The following IGF1R variants were observed in gnomAD, a reference collection of about 807,000 sequenced individuals.
The protein encoded by IGF1R is insulin-like growth factor 1 receptor.
In IGF1R, 44 loss-of-function variants were observed where a neutral mutation model predicts 144.6. That is an observed-to-expected ratio of 0.30 (90% CI 0.24 to 0.39). The LOEUF is 0.39. Among genes scored for constraint, IGF1R ranks in the 10% least tolerant of loss-of-function variants. The pLI, the probability that IGF1R is intolerant of heterozygous loss-of-function variation, is 1.00. For synonymous variants in IGF1R, 795 were observed against 722.8 expected, an observed-to-expected ratio of 1.10 and a Z score of -1.60; for missense variants, 1,355 against 1,833.7, an observed-to-expected ratio of 0.74 and a Z score of 4.77.
intron 2 of IGF1R, among the ~76,000 whole-genome samples, chr15:98,717,734 T>C (rs1476927830): frequency 1.3e-5 from 2 of 152,238 alleles, no homozygotes; most frequent in Non-Finnish European, 2.9e-5. Context: ...TCTTGTATGA[T>C]ACTGACATTA....
At chr15:98,757,159 C>T (rs896983323) in intron 2 of IGF1R, among the ~76,000 whole-genome samples, 4 of 151,990 alleles carry the variant, frequency 2.6e-5, no homozygotes, top group African/African-American at 7.3e-5. Context: ...TAATGATGCA[C>T]CTTTTATAAT....
chr15:98,650,451 C>T (rs558673904), intron 1 of IGF1R, among the ~76,000 whole-genome samples: 7 of 152,344 alleles, frequency 4.6e-5, no homozygotes, highest in South Asian at 2.1e-4. Context: ...TTGTCTCTTC[C>T]GGGGAGCGCC....
chr15:98,908,264 G>T (rs28417243), intron 5 of IGF1R, among the ~76,000 whole-genome samples: 1 of 152,200 alleles, frequency 6.6e-6, no homozygotes, highest in Non-Finnish European at 1.5e-5. Context: ...TACTTCCATG[G>T]ATAATGGGAG....
chr15:98,909,409 C>A lies in IGF1R; in HGVS notation c.1462+510C>A, dbSNP rs185844963. Among the ~76,000 whole-genome samples the A allele has an allele frequency of 1.6e-3, 243 of 152,014 alleles. 1 individual carries two copies. The highest frequency in any genetic ancestry group is 5.7e-3 in the African/African-American group (236 of 41,472). On this transcript the variant is annotated intron_variant, in intron 6 of 20. Coordinates refer to ENST00000650285, the MANE Select transcript of IGF1R (RefSeq NM_000875.5). ...GAGCAGCTGAGATTACAGACACCTGCCACCATGCCCAGCTAATTTTTGGAT... is the reference window on the plus strand; with the variant it reads ...GAGCAGCTGAGATTACAGACACCTGACACCATGCCCAGCTAATTTTTGGAT...
intron 2 of IGF1R, among the ~76,000 whole-genome samples, chr15:98,738,329 C>T (rs73475618): frequency 0.039 from 5,905 of 152,252 alleles, 374 homozygotes; most frequent in African/African-American, 0.13. Flanking sequence ...AGGCACACAC[C>T]ACCTTGCCTA....
intron 2 of IGF1R, among the ~76,000 whole-genome samples, chr15:98,789,564 T>C (rs1029904501): frequency 1.3e-5 from 2 of 152,206 alleles, no homozygotes; most frequent in African/African-American, 4.8e-5. Context: ...ATGTTATACC[T>C]TACAAAGAAG....
At chr15:98,708,496 G>A (rs2053919875) in intron 2 of IGF1R, among the ~76,000 whole-genome samples, 1 of 152,224 alleles carries the variant, frequency 6.6e-6, no homozygotes, top group African/African-American at 2.4e-5. Flanking sequence ...GGCTGCTTAT[G>A]TGTCAGCTCT....
chr15:98,778,781 G>A (rs2055782565), intron 2 of IGF1R, among the ~76,000 whole-genome samples: 1 of 152,216 alleles, frequency 6.6e-6, no homozygotes. Context: ...CTTGAAGTGA[G>A]AGTGGGTGGA....
rs773119873 is a variant in IGF1R, at chr15:98,957,184, CGAG to C, written c.3850_3852del (p.Glu1284del). ...TCCGGGAGGTCTCCTTCTACTACAG[CGAG>C]GAGAACAAGCTGCCCGAGCCGGAGG... On this transcript the variant is annotated inframe_deletion, in exon 21 of 21. Transcript: ENST00000650285. 23 of 1,614,226 alleles carry C rather than the reference CGAG, an allele frequency of 1.4e-5. No homozygotes were observed. Among genetic ancestry groups the C allele is most frequent in the Middle Eastern group, 1.6e-4 (1 of 6,062 alleles).
At chr15:98,811,556 A>C (rs991433598) in intron 2 of IGF1R, among the ~76,000 whole-genome samples, 3 of 150,782 alleles carry the variant, frequency 2.0e-5, no homozygotes, top group African/African-American at 7.3e-5. Flanking sequence ...TTATTTCTCT[A>C]TGTAAACAAA....
At chr15:98,942,823 G>A in intron 18 of IGF1R, 100 bp from the exon 19 acceptor site, 1 of 1,505,348 alleles carries the variant, frequency 6.6e-7, no homozygotes, top group Non-Finnish European at 9.2e-7. Context: ...TCTGTGTCTT[G>A]CCTTGCGTCT....
chr15:98,800,087 C>G (rs1277587113), intron 2 of IGF1R, among the ~76,000 whole-genome samples: 1 of 152,138 alleles, frequency 6.6e-6, no homozygotes, highest in African/African-American at 2.4e-5. Context: ...GTTTGGTAGC[C>G]TCTCGTTTCT....
In IGF1R at chr15:98,836,637, G is replaced by C. The variant is rs377591791; in HGVS notation, c.641-54688G>C. 4.0e-5 allele frequency among the ~76,000 whole-genome samples: 6 copies of C among 151,692 alleles called. No homozygotes were observed. The South Asian group carries it at 1.3e-3, about 32-fold the overall frequency. ...AAGAAATTAACAATGACACAATACTGTTAACCATGGACTATTTGAATTTCA... is the reference window on the plus strand; with the variant it reads ...AAGAAATTAACAATGACACAATACTCTTAACCATGGACTATTTGAATTTCA... On this transcript the variant is annotated intron_variant, in intron 2 of 20. Coordinates refer to ENST00000650285, the MANE Select transcript of IGF1R (RefSeq NM_000875.5).
chr15:98,842,518 G>A (rs2011192302), intron 2 of IGF1R, among the ~76,000 whole-genome samples: 1 of 152,196 alleles, frequency 6.6e-6, no homozygotes, highest in Non-Finnish European at 1.5e-5. Context: ...ATGCAGAGTT[G>A]TAATTAGAAA....
intron 2 of IGF1R, among the ~76,000 whole-genome samples, chr15:98,801,591 G>A (rs995912244): frequency 1.3e-5 from 2 of 152,218 alleles, no homozygotes; most frequent in Admixed American, 1.3e-4. Context: ...CTGCTTGTCT[G>A]TGCCACCCTC....
intron 2 of IGF1R, among the ~76,000 whole-genome samples, chr15:98,858,625 G>A (rs987958527): frequency 2.2e-4 from 33 of 152,254 alleles, no homozygotes; most frequent in African/African-American, 7.7e-4. Context: ...AGAGAACTCT[G>A]GGCTTCGGAG....
chr15:98,722,594 C>G (rs2054270710), intron 2 of IGF1R, among the ~76,000 whole-genome samples: 1 of 152,174 alleles, frequency 6.6e-6, no homozygotes, highest in African/African-American at 2.4e-5. Context: ...TCTCTGACTA[C>G]TGTGTACAGC....
In IGF1R at chr15:98,888,444, T is replaced by A. The variant is rs1369247253; in HGVS notation, c.641-2881T>A. Among the ~76,000 whole-genome samples, 561 of 142,792 alleles carry A rather than the reference T, an allele frequency of 3.9e-3. 7 individuals carry two copies. Among genetic ancestry groups the A allele is most frequent in the African/African-American group, 0.014 (502 of 36,636 alleles). 93.7% of individuals were successfully genotyped at this position (142,792 alleles called of 152,430 possible). The stretch of plus-strand genomic sequence containing the variant: ...TTTGATGAGAGAGAGAGAGAGTGTG[T>A]GTGTGTGTGTGTGTGTGTGTGTTTA... On this transcript the variant is annotated intron_variant, in intron 2 of 20. Coordinates refer to ENST00000650285, the MANE Select transcript of IGF1R (RefSeq NM_000875.5).
At chr15:98,777,982 G>C (rs145900512) in intron 2 of IGF1R, among the ~76,000 whole-genome samples, 135 of 152,332 alleles carry the variant, frequency 8.9e-4, no homozygotes, top group African/African-American at 2.3e-3. Context: ...TTTTTGATGT[G>C]TGTACGGGGG....
Sources: allele counts gnomAD v4.1 joint callset (sites outside exome capture counted in the v4.1 genomes callset), GRCh38; gene constraint gnomAD v4.1.1; transcripts MANE v1.5; gene names NCBI Gene and HGNC (gene_info 2026-07-23, HGNC 2026-07-21).